SYNJ1: variants seen among roughly 807,000 people sequenced by gnomAD.
SYNJ1 encodes polyphosphatidylinositol phosphatase SYNJ1.
In SYNJ1, 78 loss-of-function variants were observed where a neutral mutation model predicts 168.2. The ratio of observed to expected loss-of-function variants is 0.46; its 90% CI spans 0.39 to 0.56. The LOEUF (loss-of-function observed/expected upper bound fraction) is 0.56. Ranked by LOEUF, SYNJ1 falls within the 20% of genes least tolerant of loss-of-function variation. The pLI is 0.00. For synonymous variants in SYNJ1, 539 were observed against 548.6 expected, an observed-to-expected ratio of 0.98 and a Z score of 0.24; for missense variants, 1,303 against 1,597.6, an observed-to-expected ratio of 0.82 and a Z score of 3.14.
chr21:32,715,183 C>G (rs991885043), intron 2 of SYNJ1, among the ~76,000 whole-genome samples: 18 of 152,054 alleles, frequency 1.2e-4, no homozygotes, highest in Middle Eastern at 3.4e-3. Context: ...AAAATAAAAA[C>G]AAAAAGAGGC....
intron 2 of SYNJ1, among the ~76,000 whole-genome samples, chr21:32,716,725 T>C (rs188519360): frequency 1.3e-5 from 2 of 152,218 alleles, no homozygotes; most frequent in African/African-American, 4.8e-5. Context: ...TTTCTTCAAG[T>C]GTTTTTCTTC....
Position 32,666,426 on chromosome 21 carries a change from T to C in SYNJ1, c.1952+7A>G. On this transcript the variant is annotated splice_region_variant and intron_variant, in intron 16 of 32. Coordinates refer to ENST00000674351, the MANE Select transcript of SYNJ1 (RefSeq NM_203446.3). ...AGTAGCCTTAGAGGAGTGTTCTGTT[T>C]ACTGACCTGATAAAAGGAGCATGCT... 1.2e-6 allele frequency: 2 copies of C among 1,612,846 alleles called. No homozygotes were observed. Among genetic ancestry groups the C allele is most frequent in the Non-Finnish European group, 1.7e-6 (2 of 1,179,624 alleles).
At position 32,726,358 on chromosome 21, in the gene SYNJ1, C is replaced by T. The variant is rs942595902; in HGVS notation, c.124+414G>A. On this transcript the variant is annotated intron_variant, in intron 2 of 32. Transcript: ENST00000674351. ...TACAATTCCCTTAATGAAAACACAA[C>T]GGCCATAACAGAAATACTCCAACAA... Among the ~76,000 whole-genome samples the T allele has an allele frequency of 2.0e-5, 3 of 152,194 alleles. No homozygotes were observed. The South Asian group carries it at 6.2e-4, about 32-fold the overall frequency.
At chr21:32,641,022 G>T (rs1446615686) in intron 29 of SYNJ1, among the ~76,000 whole-genome samples, 2 of 152,114 alleles carry the variant, frequency 1.3e-5, no homozygotes, top group Admixed American at 6.5e-5. Flanking sequence ...AAAAAAGGAG[G>T]ATAAATATTT....
Position 32,678,631 on chromosome 21 carries a change from T to C in SYNJ1, c.1510+14A>G, listed in dbSNP as rs921063433. The C allele has an allele frequency of 6.4e-7, 1 of 1,569,178 alleles. No homozygotes were observed. Among genetic ancestry groups the C allele is most frequent in the Non-Finnish European group, 8.6e-7 (1 of 1,164,638 alleles). On this transcript the variant is annotated intron_variant, in intron 12 of 32. Coordinates refer to ENST00000674351, the MANE Select transcript of SYNJ1 (RefSeq NM_203446.3). ...AGGAATATAAATAACAAATAAAATA[T>C]AAAGTGCACATACCACGCAAACTTC...
intron 26 of SYNJ1, among the ~76,000 whole-genome samples, 195 bp downstream of exon 26, chr21:32,644,773 T>TA (rs983258711): frequency 6.6e-6 from 1 of 150,376 alleles, no homozygotes; most frequent in African/African-American, 2.4e-5. Flanking sequence ...CCACATTTAT[T>TA]AAAAAAAAAA....
intron 2 of SYNJ1, among the ~76,000 whole-genome samples, chr21:32,711,373 G>A (rs932166764): frequency 6.7e-6 from 1 of 148,260 alleles, no homozygotes; most frequent in Admixed American, 6.8e-5. Flanking sequence ...TCGTTCTGTC[G>A]CCAGGCTGGA....
In SYNJ1 at chr21:32,673,258, C is replaced by T. The variant is rs975432194; in HGVS notation, c.1726+82G>A. 1.3e-5 allele frequency: 16 copies of T among 1,260,388 alleles called. No individual in the cohort carries two copies. In the Admixed American group the frequency reaches 2.8e-4, roughly 22 times the overall value. 78.1% of individuals were successfully genotyped at this position (1,260,388 alleles called of 1,614,324 possible). On this transcript the variant is annotated intron_variant, in intron 14 of 32. Coordinates refer to ENST00000674351, the MANE Select transcript of SYNJ1 (RefSeq NM_203446.3). Reference sequence around the variant, plus strand: ...AGTTTCTTTCATCAATTAATGCATCCTCTGAAGTGCTATATTTGTTTTCTA... The same window carrying T: ...AGTTTCTTTCATCAATTAATGCATCTTCTGAAGTGCTATATTTGTTTTCTA...
At position 32,645,798 on chromosome 21, in the gene SYNJ1, C is replaced by G. The variant is rs2040038616; in HGVS notation, c.3248-9G>C. On this transcript the variant is annotated splice_polypyrimidine_tract_variant and intron_variant, in intron 24 of 32. Coordinates refer to ENST00000674351, the MANE Select transcript of SYNJ1 (RefSeq NM_203446.3). ...CGCGTCAATAGGAGAACCTAAAAAG[C>G]GCACAGGAGGTAAGAAGATCAGCTT... 6.0e-6 allele frequency: 9 copies of G among 1,487,622 alleles called. No individual in the cohort carries two copies. The highest frequency in any genetic ancestry group is 7.2e-6 in the Non-Finnish European group (8 of 1,115,872). The allele number at this position is 1,487,622 out of a possible 1,614,324, so 92.2% of individuals were successfully genotyped here.
intron 2 of SYNJ1, among the ~76,000 whole-genome samples, chr21:32,710,023 A>G (rs2042770354): frequency 6.6e-6 from 1 of 151,762 alleles, no homozygotes; most frequent in African/African-American, 2.4e-5. Flanking sequence ...ACATGGTAAA[A>G]AACCCATCTC....
Position 32,700,084 on chromosome 21 carries a change from A to ATAT in SYNJ1, c.232_233insATA (p.Leu78delinsHisMet). 3 of 1,613,178 alleles carry ATAT rather than the reference A, an allele frequency of 1.9e-6. No individual in the cohort carries two copies. Among genetic ancestry groups the ATAT allele is most frequent in the Non-Finnish European group, 2.5e-6 (3 of 1,179,588 alleles). On this transcript the variant is annotated protein_altering_variant, in exon 4 of 33. Coordinates refer to ENST00000674351, the MANE Select transcript of SYNJ1 (RefSeq NM_203446.3). ...AGACATACATCCAGTGACTAGGACC[A>ATAT]GATAATGTAACATAGTATCACCTGC...
Position 32,646,445 on chromosome 21 carries a change from G to A in SYNJ1, c.3195C>T (p.Pro1065=), listed in dbSNP as rs763564076. Residue 1065 remains proline, a synonymous_variant, in exon 24 of 33, where the codon CCC becomes CCT. Transcript: ENST00000674351. ...TISEGPVPSL[P]IRPSRAPSRT... is the part of the protein sequence containing the mutation. ...TTGACGGTGCTCGGCTTGGTCTGAT[G>A]GGAAGGGAAGGTACAGGACCCTCTG... is the stretch of plus-strand genomic sequence containing the variant. 8 of 1,614,164 alleles carry A rather than the reference G, an allele frequency of 5.0e-6. No homozygotes were observed. In the Admixed American group the frequency reaches 6.7e-5, roughly 13 times the overall value.
chr21:32,651,729 T>A (rs979210327), intron 22 of SYNJ1, among the ~76,000 whole-genome samples: 15 of 152,148 alleles, frequency 9.9e-5, no homozygotes, highest in African/African-American at 3.6e-4. Flanking sequence ...AAAAAAATAT[T>A]CAAAAAGATA....
In SYNJ1 at chr21:32,646,390, T is replaced by C; in HGVS notation, c.3247+3A>G. On this transcript the variant is annotated splice_donor_region_variant and intron_variant, in intron 24 of 32. Transcript: ENST00000674351. ...ATACAAAACTTTCAAATAAAATGCA[T>C]ACTCTGTGCACTGGGAGGCCCAGGA... 6.2e-7 allele frequency: 1 copy of C among 1,613,454 alleles called. No individual in the cohort carries two copies. Among genetic ancestry groups the C allele is most frequent in the Non-Finnish European group, 8.5e-7 (1 of 1,179,522 alleles).
In SYNJ1 at chr21:32,726,725, A is replaced by G. The variant is rs368253482; in HGVS notation, c.124+47T>C. 56 of 1,604,214 alleles carry G rather than the reference A, an allele frequency of 3.5e-5. 1 individual carries two copies. The highest frequency in any genetic ancestry group is 1.7e-4 in the Middle Eastern group (1 of 6,014). On this transcript the variant is annotated intron_variant, in intron 2 of 32. Coordinates refer to ENST00000674351, the MANE Select transcript of SYNJ1 (RefSeq NM_203446.3). ...AAATGGTTGCATCTGAATTGTTTCA[A>G]ATCAAAACAGAGACCATGACAAATT...
intron 31 of SYNJ1, among the ~76,000 whole-genome samples, chr21:32,636,301 G>A (rs2145694682): frequency 6.6e-6 from 1 of 152,268 alleles, no homozygotes; most frequent in South Asian, 2.1e-4. Context: ...GATAAGTGAG[G>A]ATTTTTTATA....
upstream of SYNJ1, chr21:32,728,273 G>A (rs1039932229): frequency 3.9e-6 from 2 of 515,270 alleles, no homozygotes; most frequent in Non-Finnish European, 6.8e-6. Flanking sequence ...TTTTGCGTGG[G>A]CTCTTCAGAG....
chr21:32,723,724 G>C (rs955042042), intron 2 of SYNJ1, among the ~76,000 whole-genome samples: 1 of 152,208 alleles, frequency 6.6e-6, no homozygotes, highest in African/African-American at 2.4e-5. Flanking sequence ...AGGAGGCTGA[G>C]GCAGGAGGAT....
rs1206010375 is a variant in SYNJ1 at position 32,645,834 on chromosome 21, G to T, written c.3248-45C>A. On this transcript the variant is annotated intron_variant, in intron 24 of 32. Coordinates refer to ENST00000674351, the MANE Select transcript of SYNJ1 (RefSeq NM_203446.3). Reference sequence around the variant, plus strand: ...TAAGAAGATCAGCTTCTAAGTAGCTGTTGACAGAAGGGAACAGTCCTTCAT... The same window carrying T: ...TAAGAAGATCAGCTTCTAAGTAGCTTTTGACAGAAGGGAACAGTCCTTCAT... The T allele has an allele frequency of 3.9e-6, 6 of 1,519,344 alleles. No individual in the cohort carries two copies. In the East Asian group the frequency reaches 1.5e-4, roughly 38 times the overall value. The allele number at this position is 1,519,344 out of a possible 1,614,324, so 94.1% of individuals were successfully genotyped here.
Sources: allele counts gnomAD v4.1 joint callset (sites outside exome capture counted in the v4.1 genomes callset), GRCh38; gene constraint gnomAD v4.1.1; transcripts MANE v1.5; gene names NCBI Gene and HGNC (gene_info 2026-07-23, HGNC 2026-07-21).